The following LIPA variants were observed in gnomAD, a reference collection of about 807,000 sequenced individuals.
LIPA encodes lipase A, lysosomal acid type, also known as lysosomal acid lipase/cholesteryl ester hydrolase.
In LIPA, 26 loss-of-function variants were observed where a neutral mutation model predicts 40.6. The ratio of observed to expected loss-of-function variants is 0.64; its 90% CI spans 0.47 to 0.89. The LOEUF is 0.89. Among genes scored for constraint, LIPA ranks in the 40% least tolerant of loss-of-function variants. LIPA has a pLI of 0.00. For missense variants in LIPA, 455 were observed against 479.6 expected, an observed-to-expected ratio of 0.95 and a Z score of 0.48; for synonymous variants, 188 against 168.4, an observed-to-expected ratio of 1.12 and a Z score of -0.90.
At chr10:89,236,776 T>A (rs1246707560) in intron 3 of LIPA, among the ~76,000 whole-genome samples, 1 of 152,226 alleles carries the variant, frequency 6.6e-6, no homozygotes, top group African/African-American at 2.4e-5. Context: ...GCAGCTTTTA[T>A]GTGGGTGCAG....
chr10:89,217,328 C>T (rs1842641368), intron 8 of LIPA, among the ~76,000 whole-genome samples: 1 of 152,216 alleles, frequency 6.6e-6, no homozygotes, highest in African/African-American at 2.4e-5. Flanking sequence ...AAATATTTGG[C>T]ATCTGTTTTT....
At chr10:89,298,525 C>A (rs1843428184) in intron 1 of LIPA, among the ~76,000 whole-genome samples, 1 of 152,120 alleles carries the variant, frequency 6.6e-6, no homozygotes, top group Non-Finnish European at 1.5e-5. Context: ...AAAAAGTCCT[C>A]CCCTACAAAA....
At chr10:89,359,815 T>TCTCACA (rs774357082) in intron 2 of LIPA, among the ~76,000 whole-genome samples, 37 of 146,206 alleles carry the variant, frequency 2.5e-4, no homozygotes, top group Admixed American at 5.5e-4. Context: ...TCTCTCTCTC[T>TCTCACA]CACACACACA....
chr10:89,354,024 C>T (rs1040418396), intron 2 of LIPA, among the ~76,000 whole-genome samples: 1 of 152,132 alleles, frequency 6.6e-6, no homozygotes, highest in Non-Finnish European at 1.5e-5. Context: ...AACTTTCTCT[C>T]CTGCTCTGAA....
chr10:89,281,383 T>C (rs1429060259), intron 1 of LIPA, among the ~76,000 whole-genome samples: 1 of 152,224 alleles, frequency 6.6e-6, no homozygotes, highest in Non-Finnish European at 1.5e-5. Flanking sequence ...AATCCACACT[T>C]GTTGTATTCA....
intron 1 of LIPA, among the ~76,000 whole-genome samples, chr10:89,267,760 AAAAG>A (rs1311241702): frequency 1.9e-4 from 29 of 151,786 alleles, no homozygotes; most frequent in African/African-American, 5.6e-4. Context: ...AAAAAAAAAA[AAAAG>A]AAAGAAATAA....
chr10:89,370,059 G>A (rs1038833075), intron 2 of LIPA, among the ~76,000 whole-genome samples: 1 of 152,284 alleles, frequency 6.6e-6, no homozygotes, highest in Admixed American at 6.5e-5. Context: ...GTAGAGCTGG[G>A]TGGTCTGATA....
chr10:89,359,879 T>C (rs1014071368), intron 2 of LIPA, among the ~76,000 whole-genome samples: 1 of 151,014 alleles, frequency 6.6e-6, no homozygotes, highest in Non-Finnish European at 1.5e-5. Context: ...CCAACCCTAA[T>C]GCTAATGCCT....
intron 6 of LIPA, among the ~76,000 whole-genome samples, 185 bp from the exon 7 acceptor site, chr10:89,224,015 C>T (rs1044309743): frequency 2.0e-5 from 3 of 152,206 alleles, no homozygotes; most frequent in Non-Finnish European, 4.4e-5. Flanking sequence ...AAAAATCACA[C>T]ACTACAGAGG....
At position 89,382,729 on chromosome 10, in the gene LIPA, T is replaced by C. The variant is rs1210561198; in HGVS notation, c.61+30062A>G. ...TTCCACCCACTTGGAACCCCTCCAT[T>C]TAGGATTGGTTGAGTAAGTGCACAC... On this transcript the variant is annotated intron_variant, in intron 2 of 8. Transcript: ENST00000371837. Among the ~76,000 whole-genome samples, 15 of 152,282 alleles carry C rather than the reference T, an allele frequency of 9.9e-5. No individual in the cohort carries two copies. In the East Asian group the frequency reaches 2.9e-3, roughly 29 times the overall value.
intron 2 of LIPA, among the ~76,000 whole-genome samples, chr10:89,359,496 C>T (rs1418034285): frequency 6.6e-6 from 1 of 152,170 alleles, no homozygotes; most frequent in Non-Finnish European, 1.5e-5. Context: ...ACCAGGTTGA[C>T]CTGCCCAGGG....
rs2133638439 is a variant in LIPA, at chr10:89,405,426, A to G, written c.61+7365T>C. The stretch of plus-strand genomic sequence containing the variant: ...CAATGTTATTGATCTTTCATTCTGT[A>G]TATGTTTTGGGGGGAATATACTAGT... On this transcript the variant is annotated intron_variant, in intron 2 of 8. Transcript: ENST00000371837. 3 of 152,304 alleles carry G rather than the reference A, an allele frequency of 2.0e-5. No individual in the cohort carries two copies. In the South Asian group the frequency reaches 6.2e-4, roughly 32 times the overall value. The allele number at this position is 152,304 out of a possible 1,614,324, so 9.4% of individuals were successfully genotyped here.
chr10:89,368,456 T>C (rs978064770), intron 2 of LIPA, among the ~76,000 whole-genome samples: 1 of 152,178 alleles, frequency 6.6e-6, no homozygotes, highest in Non-Finnish European at 1.5e-5. Flanking sequence ...TCCACAAACA[T>C]GCTCAGCAGA....
At chr10:89,394,577 AATATATATATATATAT>A (rs200060906) in intron 2 of LIPA, among the ~76,000 whole-genome samples, 1,231 of 108,668 alleles carry the variant, frequency 0.011, 22 homozygotes, top group South Asian at 0.031. Context: ...ACTACAGGAA[AATATATATATATATAT>A]ATATATATAT....
intron 1 of LIPA, among the ~76,000 whole-genome samples, chr10:89,319,331 G>T (rs893606970): frequency 5.3e-5 from 8 of 152,018 alleles, no homozygotes; most frequent in Non-Finnish European, 1.0e-4. Context: ...TAATAAAGAA[G>T]AAAAGAGAGA....
chr10:89,358,792 G>T (rs1397353962), intron 2 of LIPA, among the ~76,000 whole-genome samples: 1 of 151,976 alleles, frequency 6.6e-6, no homozygotes, highest in African/African-American at 2.4e-5. Context: ...GGGGAGGGAA[G>T]ATAAAGAGGG....
chr10:89,306,685 C>A, intron 1 of LIPA: 2 of 1,613,968 alleles, frequency 1.2e-6, no homozygotes, highest in Non-Finnish European at 8.5e-7. Flanking sequence ...TGGAGAAAGC[C>A]CCAGGTGTAA....
upstream of LIPA, chr10:89,414,659 C>A: frequency 1.1e-6 from 1 of 890,436 alleles, no homozygotes; most frequent in Non-Finnish European, 1.6e-6. Flanking sequence ...CGCCGCGCGG[C>A]CGAGTCCAGG....
At chr10:89,392,984 A>C (rs759542278) in intron 2 of LIPA, 2 of 694,198 alleles carry the variant, frequency 2.9e-6, no homozygotes, top group Non-Finnish European at 2.2e-6. Context: ...AAATGGGAAA[A>C]GAGTTTTGCA....
Sources: gnomAD v4.1 joint callset for allele counts (sites outside exome capture counted in the v4.1 genomes callset) on GRCh38, gnomAD v4.1.1 for gene constraint, MANE v1.5 for transcripts, NCBI Gene and HGNC (gene_info 2026-07-23, HGNC 2026-07-21) for gene names.